EPHA4: variants seen among roughly 807,000 people sequenced by gnomAD.
EPHA4 encodes ephrin type-A receptor 4.
A neutral mutation model predicts 108.3 loss-of-function variants in EPHA4; 19 were observed. The observed-to-expected ratio is 0.18, with a 90% CI of 0.12 to 0.26. The LOEUF (loss-of-function observed/expected upper bound fraction) is 0.26. Among genes scored for constraint, EPHA4 ranks in the 10% least tolerant of loss-of-function variants. The pLI, the probability that EPHA4 is intolerant of heterozygous loss-of-function variation, is 1.00. For missense variants in EPHA4, 917 were observed against 1,254.0 expected (o/e 0.73, Z 4.06); for synonymous variants, 449 against 455.5 (o/e 0.99, Z 0.18).
In EPHA4 at chr2:221,472,726, G is replaced by T. The variant is rs1053777316; in HGVS notation, c.1318+9626C>A. ...TTTTCTCCCCTTGCCCCTCCCAAGA[G>T]TAACAGCAAGAATAGAATAGTAATA... On this transcript the variant is annotated intron_variant, in intron 5 of 17. Coordinates refer to ENST00000281821, the MANE Select transcript of EPHA4 (RefSeq NM_004438.5). 2.0e-5 allele frequency among the ~76,000 whole-genome samples: 3 copies of T among 152,150 alleles called. No individual in the cohort carries two copies. The East Asian group carries it at 5.8e-4, about 29-fold the overall frequency.
chr2:221,444,442 G>GAC (rs1199730955), intron 9 of EPHA4, among the ~76,000 whole-genome samples: 1 of 148,926 alleles, frequency 6.7e-6, no homozygotes, highest in Non-Finnish European at 1.5e-5. Context: ...GGGTATGAAG[G>GAC]ACACCAGTTG....
chr2:221,550,418 GGAGAGAGAGAGA>G (rs71406572), intron 3 of EPHA4, among the ~76,000 whole-genome samples: 21 of 135,606 alleles, frequency 1.5e-4, no homozygotes, highest in African/African-American at 3.6e-4. Flanking sequence ...TGAGGAAAGG[GGAGAGAGAGAGA>G]GAGAGAGAGA....
At chr2:221,461,510 G>A (rs12694566) in intron 5 of EPHA4, among the ~76,000 whole-genome samples, 99,211 of 151,884 alleles carry the variant, frequency 0.65, 34,015 homozygotes, top group East Asian at 0.79. Flanking sequence ...AAGACCAAGT[G>A]GAAAAAAAGA....
intron 3 of EPHA4, among the ~76,000 whole-genome samples, chr2:221,513,911 T>C (rs973717336): frequency 2.6e-5 from 4 of 152,080 alleles, no homozygotes; most frequent in Non-Finnish European, 1.5e-5. Context: ...TAAGTGAAAT[T>C]TATGGAGAAT....
intron 11 of EPHA4, among the ~76,000 whole-genome samples, chr2:221,441,648 C>T (rs372902224): frequency 3.3e-5 from 5 of 152,126 alleles, no homozygotes; most frequent in Non-Finnish European, 5.9e-5. Context: ...ATGACAACTG[C>T]TAAAAGAGCA....
chr2:221,542,599 G>C (rs968786418), intron 3 of EPHA4, among the ~76,000 whole-genome samples: 1 of 152,162 alleles, frequency 6.6e-6, no homozygotes. Flanking sequence ...CAGTGTCCAA[G>C]CCATTATATA....
At chr2:221,505,549 C>A (rs1692602813) in intron 3 of EPHA4, among the ~76,000 whole-genome samples, 1 of 152,104 alleles carries the variant, frequency 6.6e-6, no homozygotes, top group African/African-American at 2.4e-5. Context: ...TGGTTTTGAA[C>A]TCCTGACCTC....
intron 3 of EPHA4, among the ~76,000 whole-genome samples, chr2:221,504,028 A>C (rs2106159830): frequency 6.6e-6 from 1 of 152,336 alleles, no homozygotes; most frequent in East Asian, 1.9e-4. Flanking sequence ...CTTTTATTCT[A>C]AACAAAACCC....
At chr2:221,546,082 G>A (rs901202307) in intron 3 of EPHA4, among the ~76,000 whole-genome samples, 17 of 152,158 alleles carry the variant, frequency 1.1e-4, no homozygotes, top group African/African-American at 3.6e-4. Context: ...ACCTTAGACT[G>A]TGAACTCTTG....
intron 3 of EPHA4, among the ~76,000 whole-genome samples, chr2:221,549,944 T>C (rs780192643): frequency 1.3e-5 from 2 of 152,186 alleles, no homozygotes; most frequent in Non-Finnish European, 2.9e-5. Flanking sequence ...TGAGCCAAGA[T>C]AGCACCAGCC....
rs927390651 is a variant in EPHA4 at position 221,456,741 on chromosome 2, C to T, written c.1475G>A (p.Arg492Gln). Reference protein sequence around the residue: ...DQNERSYRIVRTAARNTDIKG... With the variant: ...DQNERSYRIVQTAARNTDIKG... ...GATATCTGTGTTCCTGGCAGCTGTC[C>T]GAACTATACGATAGCTTCGCTCATT... is the stretch of plus-strand genomic sequence containing the variant. The change falls in exon 7 of 18, where the codon CGG becomes CAG. Residue 492 changes from arginine (R) to glutamine (Q), a missense_variant. By Grantham distance (43) the Arg-to-Gln change is conservative. This residue lies in a region of EPHA4 where 758 missense variants were observed against 1,076.7 expected (regional missense o/e 0.70). Transcript: ENST00000281821. 15 of 1,613,630 alleles carry T rather than the reference C, an allele frequency of 9.3e-6. No individual in the cohort carries two copies. Among genetic ancestry groups the T allele is most frequent in the Non-Finnish European group, 8.5e-7 (1 of 1,179,838 alleles).
At chr2:221,566,854 G>GAGAAGAAGGAGAAGGAGAAGGAGAAGA (rs1694653113) in intron 2 of EPHA4, among the ~76,000 whole-genome samples, 1 of 53,266 alleles carries the variant, frequency 1.9e-5, no homozygotes, top group African/African-American at 8.3e-5. Context: ...GAAGGAGAAG[G>GAGAAGAAGGAGAAGGAGAAGGAGAAGA]AGAAGAAGAA....
intron 5 of EPHA4, 97 bp from the exon 6 acceptor site, chr2:221,458,087 G>T: frequency 6.9e-7 from 1 of 1,458,826 alleles, no homozygotes; most frequent in Non-Finnish European, 9.2e-7. Context: ...TAAGAAAAGT[G>T]TGAAAGATTG....
chr2:221,503,939 C>T (rs988140216), intron 3 of EPHA4, among the ~76,000 whole-genome samples: 1 of 152,318 alleles, frequency 6.6e-6, no homozygotes. Context: ...GCACAGCCTT[C>T]CAGCATTTGG....
chr2:221,454,665 G>A (rs1343025925), intron 8 of EPHA4, among the ~76,000 whole-genome samples: 1 of 152,206 alleles, frequency 6.6e-6, no homozygotes, highest in Non-Finnish European at 1.5e-5. Context: ...AGAAGGCCCA[G>A]ATGTGGGGCA....
intron 4 of EPHA4, among the ~76,000 whole-genome samples, chr2:221,488,781 C>T (rs959718962): frequency 6.6e-6 from 1 of 152,078 alleles, no homozygotes; most frequent in African/African-American, 2.4e-5. Context: ...ATGTGCTCTT[C>T]TCTGGGGAAA....
In EPHA4 at chr2:221,534,599, A is replaced by G. The variant is rs571545916; in HGVS notation, c.823+29132T>C. 2.6e-5 allele frequency among the ~76,000 whole-genome samples: 4 copies of G among 152,336 alleles called. 1 individual carries two copies. In the South Asian group the frequency reaches 8.3e-4, roughly 32 times the overall value. On this transcript the variant is annotated intron_variant, in intron 3 of 17. Transcript: ENST00000281821. Reference sequence around the variant, plus strand: ...AGAAGAAAGAGAATAAGCAACTTCCAGGCTGTGACTATCCCTGGAACCCAT... The same window carrying G: ...AGAAGAAAGAGAATAAGCAACTTCCGGGCTGTGACTATCCCTGGAACCCAT...
intron 5 of EPHA4, among the ~76,000 whole-genome samples, chr2:221,465,752 C>T (rs1416349263): frequency 6.6e-6 from 1 of 152,144 alleles, no homozygotes; most frequent in Admixed American, 6.5e-5. Flanking sequence ...AAGCCCCACA[C>T]CCAACAACCC....
At chr2:221,475,023 A>G (rs779137973) in intron 5 of EPHA4, among the ~76,000 whole-genome samples, 2 of 152,066 alleles carry the variant, frequency 1.3e-5, no homozygotes, top group Non-Finnish European at 2.9e-5. Context: ...GGCGTGCACC[A>G]CAACACCCGT....
Sources: gnomAD v4.1 joint callset for allele counts (sites outside exome capture counted in the v4.1 genomes callset) on GRCh38, gnomAD v4.1.1 for gene constraint, gnomAD v4.1.1 regional missense constraint, MANE v1.5 for transcripts, NCBI Gene and HGNC (gene_info 2026-07-23, HGNC 2026-07-21) for gene names.